BLOC1S5: variants seen among roughly 807,000 people sequenced by gnomAD.
BLOC1S5 encodes biogenesis of lysosome-related organelles complex 1 subunit 5.
BLOC1S5 carries 27 observed loss-of-function variants against 24.3 expected under a neutral mutation model. The ratio of observed to expected loss-of-function variants is 1.11; its 90% CI spans 0.82 to 1.53. The LOEUF is 1.53. BLOC1S5 is among the 40% of genes most tolerant of loss of function. BLOC1S5 has a pLI of 0.00. For synonymous variants in BLOC1S5, 84 were observed against 74.5 expected, an observed-to-expected ratio of 1.13 and a Z score of -0.66; for missense variants, 239 against 229.4, an observed-to-expected ratio of 1.04 and a Z score of -0.27.
chr6:8,033,654 T>G (rs888866596), intron 3 of BLOC1S5, among the ~76,000 whole-genome samples: 1 of 152,176 alleles, frequency 6.6e-6, no homozygotes, highest in Non-Finnish European at 1.5e-5. Context: ...AAAGAGCTTC[T>G]GCACAGCAAA....
At chr6:8,041,522 T>C (rs1033332131) in intron 2 of BLOC1S5, among the ~76,000 whole-genome samples, 2 of 151,622 alleles carry the variant, frequency 1.3e-5, no homozygotes, top group Admixed American at 6.6e-5. Flanking sequence ...CTGTGTTAGC[T>C]AGGATGGTCT....
intron 3 of BLOC1S5, among the ~76,000 whole-genome samples, chr6:8,029,789 G>C (rs186850394): frequency 2.6e-5 from 4 of 151,298 alleles, no homozygotes; most frequent in Admixed American, 2.6e-4. Context: ...GGCAGACTTG[G>C]GTTTAAGGTG....
intron 3 of BLOC1S5, chr6:8,027,534 A>T (rs1286296816): frequency 4.7e-6 from 2 of 424,256 alleles, no homozygotes; most frequent in Non-Finnish European, 9.6e-6. Context: ...GTAGTTCTTC[A>T]TATAAAATAA....
chr6:8,054,999 C>A (rs1000164648), intron 2 of BLOC1S5, among the ~76,000 whole-genome samples: 2 of 152,066 alleles, frequency 1.3e-5, no homozygotes, highest in African/African-American at 4.8e-5. Context: ...TTTTAAATTT[C>A]TTTTTCCTGA....
intron 2 of BLOC1S5, among the ~76,000 whole-genome samples, chr6:8,048,657 C>T (rs1435356362): frequency 6.6e-6 from 1 of 152,046 alleles, no homozygotes; most frequent in East Asian, 1.9e-4. Flanking sequence ...TATTTTTTAA[C>T]TTTTTCTTTT....
rs1356084227 is a variant in BLOC1S5, at chr6:8,022,568, ATTTTTTTTTTCTT to A, written c.384+3786_384+3798del. On this transcript the variant is annotated intron_variant, in intron 4 of 4. Coordinates refer to ENST00000397457, the MANE Select transcript of BLOC1S5 (RefSeq NM_201280.3). ...ATATGTTACTCTATTTTCAAACTCT[ATTTTTTTTTTCTT>A]TTTTTTTTTTCTTTTTTTTTTGAGA... Among the ~76,000 whole-genome samples the A allele has an allele frequency of 1.8e-3, 218 of 124,010 alleles. 8 individuals are homozygous for A. Among genetic ancestry groups the A allele is most frequent in the African/African-American group, 5.2e-3 (178 of 34,364 alleles). 81.4% of individuals were successfully genotyped at this position (124,010 alleles called of 152,430 possible).
chr6:8,054,484 G>T (rs1323173756), intron 2 of BLOC1S5: 1 of 284,236 alleles, frequency 3.5e-6, no homozygotes, highest in Admixed American at 5.1e-5. Flanking sequence ...CTTAGGAAAG[G>T]CTCATTGGAA....
chr6:8,026,223 C>T, intron 4 of BLOC1S5, 144 bp downstream of exon 4: 1 of 631,144 alleles, frequency 1.6e-6, no homozygotes, highest in East Asian at 2.9e-5. Flanking sequence ...ACCACACCTC[C>T]TCAACACATC....
chr6:8,042,643 CT>C lies in BLOC1S5; in HGVS notation c.196-1376del, dbSNP rs758253500. Among the ~76,000 whole-genome samples, 6 of 149,890 alleles carry C rather than the reference CT, an allele frequency of 4.0e-5. No homozygotes were observed. In the South Asian group the frequency reaches 1.3e-3, roughly 31 times the overall value. On this transcript the variant is annotated intron_variant, in intron 2 of 4. Coordinates refer to ENST00000397457, the MANE Select transcript of BLOC1S5 (RefSeq NM_201280.3). ...ATGAGATTTTTTTGTGATTTTTTTT[CT>C]TTTTTAGCTCATCAGCTATTGTTAC... is the stretch of plus-strand genomic sequence containing the variant.
At chr6:8,017,482 G>A (rs1024056267) in intron 4 of BLOC1S5, among the ~76,000 whole-genome samples, 6 of 152,148 alleles carry the variant, frequency 3.9e-5, no homozygotes, top group African/African-American at 9.7e-5. Flanking sequence ...GACACGCAGC[G>A]TACTCAGATG....
At chr6:8,033,281 T>C (rs915215603) in intron 3 of BLOC1S5, among the ~76,000 whole-genome samples, 3 of 152,172 alleles carry the variant, frequency 2.0e-5, no homozygotes, top group Middle Eastern at 3.4e-3. Context: ...AAAACAGATA[T>C]ACAGACCAAT....
At chr6:8,046,286 T>C (rs1763896861) in intron 2 of BLOC1S5, among the ~76,000 whole-genome samples, 1 of 152,208 alleles carries the variant, frequency 6.6e-6, no homozygotes, top group Non-Finnish European at 1.5e-5. Flanking sequence ...TCCCCAGCCA[T>C]GTGGAACTGT....
chr6:8,025,832 T>C (rs938098896), intron 4 of BLOC1S5, among the ~76,000 whole-genome samples: 4 of 152,206 alleles, frequency 2.6e-5, no homozygotes, highest in African/African-American at 9.6e-5. Context: ...TTTATGAAAA[T>C]TGCAAGTGAA....
intron 2 of BLOC1S5, among the ~76,000 whole-genome samples, chr6:8,045,747 C>T (rs1763864769): frequency 6.6e-6 from 1 of 152,186 alleles, no homozygotes; most frequent in Non-Finnish European, 1.5e-5. Flanking sequence ...TGCATGGGCA[C>T]TGTAATCCCT....
In BLOC1S5 at chr6:8,062,470, C is replaced by T. The variant is rs1757300239; in HGVS notation, c.195+64G>A. ...CCGATTTTAAAACTGGGGAATTTCT[C>T]TTCTGTATAATAACACACTAACAAT... On this transcript the variant is annotated intron_variant, in intron 2 of 4. Transcript: ENST00000397457. 2.0e-5 allele frequency: 20 copies of T among 994,808 alleles called. No homozygotes were observed. In the South Asian group the frequency reaches 3.4e-4, roughly 17 times the overall value. 61.6% of individuals were successfully genotyped at this position (994,808 alleles called of 1,614,324 possible). A position where few individuals can be genotyped will look rare whatever the true frequency, so the allele number is the denominator to read the frequency against.
chr6:8,033,351 A>G (rs1198442970), intron 3 of BLOC1S5, among the ~76,000 whole-genome samples: 8 of 152,194 alleles, frequency 5.3e-5, no homozygotes, highest in Non-Finnish European at 1.2e-4. Context: ...GATCTTTGAC[A>G]AACCTGAAAA....
At chr6:8,038,184 C>T (rs1330965306) in intron 3 of BLOC1S5, among the ~76,000 whole-genome samples, 4 of 152,056 alleles carry the variant, frequency 2.6e-5, no homozygotes, top group African/African-American at 7.2e-5. Context: ...GCTTCCGTGA[C>T]GCAAAGAAAA....
chr6:8,064,366 C>T lies in BLOC1S5; in HGVS notation c.11G>A (p.Gly4Glu), dbSNP rs1409220472. 2.5e-6 allele frequency: 4 copies of T among 1,610,220 alleles called. No individual in the cohort carries two copies. The highest frequency in any genetic ancestry group is 2.2e-5 in the South Asian group (2 of 91,014). Residue 4 changes from glycine (G) to glutamate (E), a missense_variant, in exon 1 of 5, where the codon GGA becomes GAA. By Grantham distance (98) the Gly-to-Glu change is moderately conservative (BLOSUM62 -2). Coordinates refer to ENST00000397457, the MANE Select transcript of BLOC1S5 (RefSeq NM_201280.3). The part of the protein sequence containing the change: MSG[G>E]GTETPVGCEA... ...ACAACCCACAGGGGTCTCTGTCCCT[C>T]CGCCACTCATCCCGACCAGTTCCGC...
intron 3 of BLOC1S5, among the ~76,000 whole-genome samples, chr6:8,036,291 C>G (rs1763485875): frequency 6.8e-6 from 1 of 147,698 alleles, no homozygotes; most frequent in Admixed American, 6.6e-5. Flanking sequence ...AATAAACAAC[C>G]TAACAAGGAA....
Sources: allele counts gnomAD v4.1 joint callset (sites outside exome capture counted in the v4.1 genomes callset), GRCh38; gene constraint gnomAD v4.1.1; transcripts MANE v1.5; gene names NCBI Gene and HGNC (gene_info 2026-07-23, HGNC 2026-07-21).